DPP10: variants seen among roughly 807,000 people sequenced by gnomAD.
DPP10 encodes the protein dipeptidyl peptidase like 10.
In DPP10, 33 loss-of-function variants were observed where a neutral mutation model predicts 120.9. The ratio of observed to expected loss-of-function variants is 0.27; its 90% CI spans 0.21 to 0.37. The LOEUF is 0.37. Among genes scored for constraint, DPP10 ranks in the 10% least tolerant of loss-of-function variants. The pLI, the probability that DPP10 is intolerant of heterozygous loss-of-function variation, is 1.00. For synonymous variants in DPP10, 337 were observed against 326.1 expected, an observed-to-expected ratio of 1.03 and a Z score of -0.36; for missense variants, 816 against 942.8, an observed-to-expected ratio of 0.87 and a Z score of 1.76.
intron 1 of DPP10, among the ~76,000 whole-genome samples, chr2:114,973,759 C>T (rs564031107): frequency 4.6e-5 from 7 of 151,012 alleles, no homozygotes; most frequent in Non-Finnish European, 8.8e-5. Flanking sequence ...GAGATGACAG[C>T]TCCATGCACG....
Position 115,003,538 on chromosome 2 carries a change from A to G in DPP10, c.61-305701A>G, listed in dbSNP as rs566818063. ...AAATAAAAGTCCAAAAACGACCAAA[A>G]AAAAACAAACAGAAAAGAAGTAAAT... is the stretch of plus-strand genomic sequence containing the variant. On this transcript the variant is annotated intron_variant, in intron 1 of 25. Coordinates refer to ENST00000410059, the MANE Select transcript of DPP10 (RefSeq NM_020868.6). 2.6e-5 allele frequency among the ~76,000 whole-genome samples: 4 copies of G among 152,294 alleles called. No homozygotes were observed. The East Asian group carries it at 5.8e-4, about 22-fold the overall frequency.
intron 1 of DPP10, among the ~76,000 whole-genome samples, chr2:114,956,488 G>A (rs529799148): frequency 3.7e-4 from 57 of 152,094 alleles, no homozygotes; most frequent in Non-Finnish European, 6.9e-4. Context: ...TTCATGGATT[G>A]AAAAAGTTTA....
At chr2:114,572,413 C>A (rs909228055) in intron 1 of DPP10, among the ~76,000 whole-genome samples, 1 of 152,102 alleles carries the variant, frequency 6.6e-6, no homozygotes, top group East Asian at 1.9e-4. Context: ...ACGAAAAGAT[C>A]GTATCTATCA....
chr2:114,873,703 T>C (rs1355056361), intron 1 of DPP10, among the ~76,000 whole-genome samples: 1 of 26,046 alleles, frequency 3.8e-5, no homozygotes, highest in Non-Finnish European at 8.9e-5. Context: ...TAACAACATT[T>C]TGCAGGATGT....
At chr2:115,447,775 T>C (rs956005299) in intron 3 of DPP10, among the ~76,000 whole-genome samples, 21 of 152,214 alleles carry the variant, frequency 1.4e-4, no homozygotes, top group African/African-American at 5.1e-4. Flanking sequence ...CAATTAAACC[T>C]CTTTCCTTTG....
intron 3 of DPP10, among the ~76,000 whole-genome samples, chr2:115,384,552 AGAAGAG>A (rs1168903443): frequency 0.01 from 740 of 72,196 alleles, 8 homozygotes; most frequent in African/African-American, 0.029. Context: ...AGAAGGAAGA[AGAAGAG>A]GAAGAAGAAG....
chr2:115,127,413 G>A (rs973919981), intron 1 of DPP10, among the ~76,000 whole-genome samples: 1 of 152,178 alleles, frequency 6.6e-6, no homozygotes, highest in Admixed American at 6.5e-5. Flanking sequence ...TAGACTCACA[G>A]AGGGAGGTGG....
intron 1 of DPP10, among the ~76,000 whole-genome samples, chr2:115,106,743 G>C (rs2048962164): frequency 6.6e-6 from 1 of 152,070 alleles, no homozygotes; most frequent in Non-Finnish European, 1.5e-5. Context: ...TTACAGGCCT[G>C]AGCCACTGCA....
intron 1 of DPP10, among the ~76,000 whole-genome samples, chr2:115,137,577 C>G (rs1055122665): frequency 3.9e-5 from 6 of 152,170 alleles, no homozygotes; most frequent in African/African-American, 1.2e-4. Context: ...GAATGTCTAA[C>G]AGCAGGTGGA....
chr2:115,425,418 TTTCTAATGTAA>T (rs1247099191), intron 3 of DPP10, among the ~76,000 whole-genome samples: 1 of 152,188 alleles, frequency 6.6e-6, no homozygotes, highest in Non-Finnish European at 1.5e-5. Flanking sequence ...AATATTATAG[TTTCTAATGTAA>T]TTCTAAGGTA....
intron 1 of DPP10, among the ~76,000 whole-genome samples, chr2:114,753,150 A>G (rs745937097): frequency 1.4e-4 from 22 of 152,246 alleles, no homozygotes; most frequent in Non-Finnish European, 2.6e-4. Flanking sequence ...CACACTCCCA[A>G]ATAATGCAGG....
At chr2:115,693,099 ATACCACAGAT>A in intron 7 of DPP10, among the ~76,000 whole-genome samples, 1 of 152,348 alleles carries the variant, frequency 6.6e-6, no homozygotes, top group South Asian at 2.1e-4. Context: ...AATTGTCCAG[ATACCACAGAT>A]TATAGACATT....
chr2:115,347,181 GT>G (rs1276810573), intron 3 of DPP10, among the ~76,000 whole-genome samples: 5 of 152,102 alleles, frequency 3.3e-5, no homozygotes, highest in African/African-American at 1.2e-4. Context: ...GTATGCTTAG[GT>G]TAAATAAAGT....
At chr2:114,924,924 T>C (rs1455936013) in intron 1 of DPP10, among the ~76,000 whole-genome samples, 1 of 152,144 alleles carries the variant, frequency 6.6e-6, no homozygotes, top group Non-Finnish European at 1.5e-5. Flanking sequence ...GTTAAAAACA[T>C]AGGTTGGCTG....
Position 115,421,085 on chromosome 2 carries a change from A to AT in DPP10, c.271+77186dup, listed in dbSNP as rs571965107. On this transcript the variant is annotated intron_variant, in intron 3 of 25. Coordinates refer to ENST00000410059, the MANE Select transcript of DPP10 (RefSeq NM_020868.6). The stretch of plus-strand genomic sequence containing the variant: ...TTCTACCCTGTAGTGTAGTGGCCCT[A>AT]TTTTTTTTTTTTTACTTCTCTTTTT... Among the ~76,000 whole-genome samples, 977 of 143,404 alleles carry AT rather than the reference A, an allele frequency of 6.8e-3. 7 individuals carry two copies. Among genetic ancestry groups the AT allele is most frequent in the African/African-American group, 0.017 (679 of 39,372 alleles). 94.1% of individuals were successfully genotyped at this position (143,404 alleles called of 152,430 possible). A position where few individuals can be genotyped will look rare whatever the true frequency, so the allele number is the denominator to read the frequency against.
At chr2:115,633,663 A>G (rs1274701662) in intron 5 of DPP10, among the ~76,000 whole-genome samples, 2 of 152,118 alleles carry the variant, frequency 1.3e-5, no homozygotes, top group African/African-American at 4.8e-5. Context: ...TGTTAGTCTG[A>G]CAGGCTTCCC....
At chr2:115,251,194 A>G (rs976437591) in intron 1 of DPP10, among the ~76,000 whole-genome samples, 1 of 152,180 alleles carries the variant, frequency 6.6e-6, no homozygotes, top group African/African-American at 2.4e-5. Context: ...ACTTTCTCCA[A>G]TTTACAACGG....
intron 5 of DPP10, among the ~76,000 whole-genome samples, chr2:115,666,338 G>A (rs762023952): frequency 7.9e-5 from 12 of 152,078 alleles, no homozygotes; most frequent in Non-Finnish European, 1.5e-4. Flanking sequence ...CTTCTTCACA[G>A]CGCTGCAAGA....
intron 5 of DPP10, among the ~76,000 whole-genome samples, chr2:115,556,444 A>G (rs186748868): frequency 5.9e-4 from 89 of 150,144 alleles, no homozygotes; most frequent in African/African-American, 1.8e-3. Context: ...TCTTCTTCCA[A>G]TGTGGCCAAG....
Sources: gnomAD v4.1 joint callset for allele counts (sites outside exome capture counted in the v4.1 genomes callset) on GRCh38, gnomAD v4.1.1 for gene constraint, MANE v1.5 for transcripts, NCBI Gene and HGNC (gene_info 2026-07-23, HGNC 2026-07-21) for gene names.